GRIK2: variants seen among roughly 807,000 people sequenced by gnomAD.
The protein encoded by GRIK2 is glutamate ionotropic receptor kainate type subunit 2, also known as glutamate receptor ionotropic, kainate 2.
A neutral mutation model predicts 100.3 loss-of-function variants in GRIK2; 32 were observed. The ratio of observed to expected loss-of-function variants is 0.32; its 90% CI spans 0.24 to 0.43. The LOEUF (loss-of-function observed/expected upper bound fraction) is 0.43, where lower values mean the gene tolerates loss of function less well. GRIK2 is among the 20% of genes least tolerant of loss of function. The probability of loss-of-function intolerance (pLI) is 1.00; values close to 1 mark genes in which losing one functional copy is unlikely to be tolerated. For missense variants in GRIK2, 843 were observed against 1,114.9 expected (o/e 0.76, Z 3.47); for synonymous variants, 417 against 389.4 (o/e 1.07, Z -0.83).
At chr6:101,977,622 G>A (rs1220433043) in intron 14 of GRIK2, among the ~76,000 whole-genome samples, 1 of 151,938 alleles carries the variant, frequency 6.6e-6, no homozygotes, top group South Asian at 2.1e-4. Flanking sequence ...CAGAGCATAG[G>A]ATGTGTGGCT....
intron 2 of GRIK2, among the ~76,000 whole-genome samples, chr6:101,428,826 G>GT (rs1486444291): frequency 1.3e-5 from 2 of 152,082 alleles, no homozygotes; most frequent in Non-Finnish European, 2.9e-5. Flanking sequence ...TGGGTGACAG[G>GT]GGGTTAGACT....
At chr6:101,445,482 C>T (rs1450660759) in intron 2 of GRIK2, among the ~76,000 whole-genome samples, 2 of 152,058 alleles carry the variant, frequency 1.3e-5, no homozygotes, top group Non-Finnish European at 2.9e-5. Context: ...CCTCTTACAT[C>T]TTATTCATTC....
chr6:101,739,637 T>A lies in GRIK2; in HGVS notation c.951+53284T>A, dbSNP rs566842621. 5.9e-5 allele frequency among the ~76,000 whole-genome samples: 9 copies of A among 152,334 alleles called. No homozygotes were observed. The South Asian group carries it at 1.9e-3, about 32-fold the overall frequency. On this transcript the variant is annotated intron_variant, in intron 7 of 16. Coordinates refer to ENST00000369134, the MANE Select transcript of GRIK2 (RefSeq NM_021956.5). ...AGATAATCTTTTAAAATGTTATATT[T>A]TTTCTTTAAAAAATTAGGTAATTAT...
intron 2 of GRIK2, among the ~76,000 whole-genome samples, chr6:101,573,480 A>G (rs1777652411): frequency 6.6e-6 from 1 of 152,170 alleles, no homozygotes; most frequent in South Asian, 2.1e-4. Context: ...TTTGCAGAGA[A>G]TCAGCTCTAA....
intron 2 of GRIK2, among the ~76,000 whole-genome samples, chr6:101,446,747 G>A (rs1036219060): frequency 2.6e-5 from 4 of 151,288 alleles, no homozygotes; most frequent in Admixed American, 1.3e-4. Context: ...TACTTTGAAG[G>A]ATAACTGGAT....
At chr6:101,733,637 G>T (rs1386044360) in intron 7 of GRIK2, among the ~76,000 whole-genome samples, 1 of 150,648 alleles carries the variant, frequency 6.6e-6, no homozygotes, top group Non-Finnish European at 1.5e-5. Flanking sequence ...ATATGAATAG[G>T]CTGAGAATTT....
chr6:102,055,974 G>GT (rs937096729), intron 16 of GRIK2, among the ~76,000 whole-genome samples: 1 of 151,578 alleles, frequency 6.6e-6, no homozygotes, highest in African/African-American at 2.4e-5. Flanking sequence ...TAAAAATGAG[G>GT]TTTTATATAC....
intron 4 of GRIK2, among the ~76,000 whole-genome samples, chr6:101,669,791 C>T (rs1582928554): frequency 6.6e-6 from 1 of 152,006 alleles, no homozygotes; most frequent in East Asian, 1.9e-4. Context: ...TTGAATGCAT[C>T]TTTCTTTTTG....
intron 2 of GRIK2, among the ~76,000 whole-genome samples, chr6:101,493,848 T>C (rs1483578996): frequency 2.0e-5 from 3 of 150,074 alleles, no homozygotes; most frequent in Non-Finnish European, 3.0e-5. Context: ...GCAACAACAT[T>C]ATTTCTCAAA....
chr6:101,595,926 C>T lies in GRIK2; in HGVS notation c.116-26023C>T, dbSNP rs771417633. Among the ~76,000 whole-genome samples the T allele has an allele frequency of 4.7e-5, 7 of 149,128 alleles. No individual in the cohort carries two copies. In the South Asian group the frequency reaches 1.5e-3, roughly 32 times the overall value. On this transcript the variant is annotated intron_variant, in intron 2 of 16. Coordinates refer to ENST00000369134, the MANE Select transcript of GRIK2 (RefSeq NM_021956.5). ...TATACCCTTTTATTTACCTCTGCCCCGGTGTTCAGCTAAATATAATTCATT... is the reference window on the plus strand; with the variant it reads ...TATACCCTTTTATTTACCTCTGCCCTGGTGTTCAGCTAAATATAATTCATT...
At chr6:102,031,428 A>G (rs1447817587) in intron 14 of GRIK2, among the ~76,000 whole-genome samples, 1 of 137,892 alleles carries the variant, frequency 7.3e-6, no homozygotes, top group Non-Finnish European at 1.5e-5. Context: ...GTAATTCAAT[A>G]CACATATTTT....
At chr6:101,670,600 T>G (rs1770360760) in intron 4 of GRIK2, among the ~76,000 whole-genome samples, 1 of 152,144 alleles carries the variant, frequency 6.6e-6, no homozygotes, top group African/African-American at 2.4e-5. Context: ...CAGCTGAGCT[T>G]TTTCAATTCA....
At chr6:101,647,110 G>A (rs1408179402) in intron 4 of GRIK2, among the ~76,000 whole-genome samples, 2 of 151,920 alleles carry the variant, frequency 1.3e-5, no homozygotes, top group African/African-American at 2.4e-5. Flanking sequence ...CTGAGGGAAA[G>A]TACAAGTGTC....
At chr6:101,817,448 A>G (rs1202172449) in intron 9 of GRIK2, among the ~76,000 whole-genome samples, 1 of 152,214 alleles carries the variant, frequency 6.6e-6, no homozygotes, top group Non-Finnish European at 1.5e-5. Flanking sequence ...TATGGAAGAC[A>G]AATTTTGTTA....
chr6:101,805,231 G>A (rs1472003019), intron 9 of GRIK2, among the ~76,000 whole-genome samples: 1 of 151,294 alleles, frequency 6.6e-6, no homozygotes, highest in African/African-American at 2.4e-5. Context: ...CAAGAGGCTT[G>A]AATTTCAGTT....
At chr6:101,755,623 T>C (rs959676559) in intron 7 of GRIK2, among the ~76,000 whole-genome samples, 11 of 152,214 alleles carry the variant, frequency 7.2e-5, no homozygotes, top group African/African-American at 2.4e-4. Context: ...TAGTGTGTTA[T>C]CTGCCTTAGC....
intron 7 of GRIK2, among the ~76,000 whole-genome samples, chr6:101,770,118 CATT>C (rs1487377073): frequency 6.6e-6 from 1 of 152,144 alleles, no homozygotes; most frequent in Non-Finnish European, 1.5e-5. Flanking sequence ...CATTTTTTAA[CATT>C]AGTGACTCAT....
At chr6:101,648,865 G>C (rs896984905) in intron 4 of GRIK2, among the ~76,000 whole-genome samples, 1 of 152,028 alleles carries the variant, frequency 6.6e-6, no homozygotes, top group African/African-American at 2.4e-5. Flanking sequence ...GGCTGGGGAG[G>C]CCTCACAAAC....
At chr6:101,960,367 CAGTT>C (rs1054519102) in intron 14 of GRIK2, among the ~76,000 whole-genome samples, 6 of 152,144 alleles carry the variant, frequency 3.9e-5, no homozygotes, top group Admixed American at 6.5e-5. Context: ...CATTGCTAGA[CAGTT>C]AGTGTGTTCC....
Sources: allele counts gnomAD v4.1 joint callset (sites outside exome capture counted in the v4.1 genomes callset), GRCh38; gene constraint gnomAD v4.1.1; transcripts MANE v1.5; gene names NCBI Gene and HGNC (gene_info 2026-07-23, HGNC 2026-07-21).